The following XKR4 variants were observed in gnomAD, a reference collection of about 807,000 sequenced individuals.
XKR4 encodes the protein XK-related protein 4.
In XKR4, 12 loss-of-function variants were observed where a neutral mutation model predicts 53.9. The observed-to-expected ratio is 0.22, with a 90% confidence interval of 0.14 to 0.36. The LOEUF (loss-of-function observed/expected upper bound fraction) is 0.36, where lower values mean the gene tolerates loss of function less well. XKR4 is among the 10% of genes least tolerant of loss of function. The pLI, the probability that XKR4 is intolerant of heterozygous loss-of-function variation, is 1.00. For missense variants in XKR4, 799 were observed against 859.5 expected, an observed-to-expected ratio of 0.93 and a Z score of 0.88; for synonymous variants, 354 against 362.4, an observed-to-expected ratio of 0.98 and a Z score of 0.26.
chr8:55,512,638 C>A (rs1464198554), intron 2 of XKR4, among the ~76,000 whole-genome samples: 1 of 152,146 alleles, frequency 6.6e-6, no homozygotes, highest in African/African-American at 2.4e-5. Flanking sequence ...TAGTGCCTGG[C>A]ACTTAGTAGG....
intron 2 of XKR4, among the ~76,000 whole-genome samples, chr8:55,413,812 T>C (rs1804807625): frequency 6.6e-6 from 1 of 152,208 alleles, no homozygotes; most frequent in African/African-American, 2.4e-5. Flanking sequence ...GTAGCAGTTA[T>C]ATTTTATGTG....
chr8:55,288,449 T>C (rs949067548), intron 1 of XKR4, among the ~76,000 whole-genome samples: 4 of 152,232 alleles, frequency 2.6e-5, no homozygotes, highest in African/African-American at 4.8e-5. Context: ...CTACAATGGC[T>C]CCTGAAAGTA....
intron 2 of XKR4, among the ~76,000 whole-genome samples, chr8:55,444,816 C>T (rs1805321952): frequency 6.6e-6 from 1 of 152,168 alleles, no homozygotes; most frequent in Non-Finnish European, 1.5e-5. Context: ...CCCCAAAACT[C>T]AGCAATTCTT....
intron 2 of XKR4, among the ~76,000 whole-genome samples, chr8:55,378,784 C>T (rs1358708462): frequency 6.6e-6 from 1 of 152,102 alleles, no homozygotes; most frequent in Non-Finnish European, 1.5e-5. Flanking sequence ...AGGGAATGAG[C>T]GCATGTCTTA....
chr8:55,436,436 C>T (rs1158503554), intron 2 of XKR4, among the ~76,000 whole-genome samples: 1 of 152,098 alleles, frequency 6.6e-6, no homozygotes, highest in East Asian at 1.9e-4. Flanking sequence ...CTATATTTAC[C>T]TCAACCAAAT....
intron 1 of XKR4, among the ~76,000 whole-genome samples, chr8:55,330,196 A>G (rs1054040544): frequency 2.6e-5 from 4 of 152,182 alleles, no homozygotes; most frequent in Admixed American, 6.5e-5. Context: ...TCAAAAACCA[A>G]TAAGGCAGTG....
At chr8:55,386,795 A>G (rs1016487464) in intron 2 of XKR4, among the ~76,000 whole-genome samples, 2 of 152,186 alleles carry the variant, frequency 1.3e-5, no homozygotes, top group Non-Finnish European at 2.9e-5. Flanking sequence ...TTTCTAACAC[A>G]TTTATTTTCT....
At chr8:55,500,589 C>G (rs1297653694) in intron 2 of XKR4, among the ~76,000 whole-genome samples, 2 of 152,172 alleles carry the variant, frequency 1.3e-5, no homozygotes, top group Non-Finnish European at 2.9e-5. Context: ...CTCCTCTGTC[C>G]TCTTCCAACC....
At chr8:55,385,093 A>G (rs1034286936) in intron 2 of XKR4, among the ~76,000 whole-genome samples, 1 of 152,184 alleles carries the variant, frequency 6.6e-6, no homozygotes, top group South Asian at 2.1e-4. Context: ...GATGCTCTAC[A>G]TTGGCAATAT....
At chr8:55,109,625 T>C (rs913533568) in intron 1 of XKR4, among the ~76,000 whole-genome samples, 2 of 152,192 alleles carry the variant, frequency 1.3e-5, no homozygotes, top group African/African-American at 4.8e-5. Flanking sequence ...ATCTCTGTGA[T>C]GTCTTTGCAA....
chr8:55,278,298 C>T (rs13254019), intron 1 of XKR4, among the ~76,000 whole-genome samples: 1 of 146,540 alleles, frequency 6.8e-6, no homozygotes, highest in Non-Finnish European at 1.5e-5. Context: ...GATCCTGCCA[C>T]TGCACTTCAG....
At chr8:55,440,782 A>G (rs1175647356) in intron 2 of XKR4, among the ~76,000 whole-genome samples, 3 of 152,172 alleles carry the variant, frequency 2.0e-5, no homozygotes, top group African/African-American at 7.2e-5. Flanking sequence ...CATGAGAGCA[A>G]TTAGGCTCTT....
At position 55,289,633 on chromosome 8, in the gene XKR4, GAAAGAAAGAAAGA is replaced by G. The variant is rs1563316418; in HGVS notation, c.807-68042_807-68030del. Among the ~76,000 whole-genome samples, 64 of 115,360 alleles carry G rather than the reference GAAAGAAAGAAAGA, an allele frequency of 5.5e-4. 1 individual carries two copies. The highest frequency in any genetic ancestry group is 4.7e-3 in the Middle Eastern group (1 of 214). 75.7% of individuals were successfully genotyped at this position (115,360 alleles called of 152,430 possible). A position where few individuals can be genotyped will look rare whatever the true frequency, so the allele number is the denominator to read the frequency against. ...AGAAAGAAAGAAAGAAAGAAAGAAA[GAAAGAAAGAAAGA>G]AAGGAAGGAAGGAAAAGAAAAGAAA... On this transcript the variant is annotated intron_variant, in intron 1 of 2. Coordinates refer to ENST00000327381, the MANE Select transcript of XKR4 (RefSeq NM_052898.2).
At chr8:55,201,304 C>T (rs1216264845) in intron 1 of XKR4, among the ~76,000 whole-genome samples, 1 of 152,164 alleles carries the variant, frequency 6.6e-6, no homozygotes, top group East Asian at 1.9e-4. Context: ...GACAATGCAT[C>T]TGAAAAATTG....
At chr8:55,271,711 G>T (rs1818693158) in intron 1 of XKR4, among the ~76,000 whole-genome samples, 1 of 152,238 alleles carries the variant, frequency 6.6e-6, no homozygotes, top group Admixed American at 6.5e-5. Context: ...TGGTTGGGGT[G>T]TGTATTTGGC....
chr8:55,429,794 C>G (rs1189621043), intron 2 of XKR4, among the ~76,000 whole-genome samples: 1 of 151,610 alleles, frequency 6.6e-6, no homozygotes, highest in African/African-American at 2.4e-5. Flanking sequence ...TTGGGCTTTA[C>G]AAAACTTTTA....
At chr8:55,200,350 G>A (rs1239542437) in intron 1 of XKR4, among the ~76,000 whole-genome samples, 1 of 152,210 alleles carries the variant, frequency 6.6e-6, no homozygotes, top group Non-Finnish European at 1.5e-5. Flanking sequence ...TTACAGGCGT[G>A]AGCCACTGCG....
At chr8:55,406,159 A>T (rs1804679179) in intron 2 of XKR4, among the ~76,000 whole-genome samples, 1 of 152,196 alleles carries the variant, frequency 6.6e-6, no homozygotes. Flanking sequence ...TGTAAAATTT[A>T]TTTAATTAAT....
rs116322377 is a variant in XKR4 at position 55,134,655 on chromosome 8, C to T, written c.806+31361C>T. On this transcript the variant is annotated intron_variant, in intron 1 of 2. Transcript: ENST00000327381. ...TCACTGCCATTTATTAGCTGCATGA[C>T]TCTGAGGAAGTTACAATCTCTGAGT... Among the ~76,000 whole-genome samples, 588 of 152,320 alleles carry T rather than the reference C, an allele frequency of 3.9e-3. 7 individuals carry two copies. The highest frequency in any genetic ancestry group is 0.014 in the African/African-American group (566 of 41,566).
Sources: allele counts gnomAD v4.1 joint callset (sites outside exome capture counted in the v4.1 genomes callset), GRCh38; gene constraint gnomAD v4.1.1; transcripts MANE v1.5; gene names NCBI Gene and HGNC (gene_info 2026-07-23, HGNC 2026-07-21).